PAK3: variants seen among roughly 807,000 people sequenced by gnomAD.
The protein encoded by PAK3 is p21 (RAC1) activated kinase 3.
PAK3 carries 4 observed loss-of-function variants against 41.0 expected under a neutral mutation model. The ratio of observed to expected loss-of-function variants is 0.10; its 90% CI spans 0.05 to 0.22. The LOEUF (loss-of-function observed/expected upper bound fraction) is 0.22, where lower values mean the gene tolerates loss of function less well. Ranked by LOEUF, PAK3 falls within the 10% of genes least tolerant of loss-of-function variation. The pLI, the probability that PAK3 is intolerant of heterozygous loss-of-function variation, is 1.00. For missense variants in PAK3, 205 were observed against 409.9 expected (o/e 0.50, Z 4.32); for synonymous variants, 146 against 139.6 (o/e 1.05, Z -0.32).
intron 1 of PAK3, among the ~76,000 whole-genome samples, chrX:111,050,479 C>T (rs990692676): frequency 1.8e-5 from 2 of 112,390 alleles, no homozygotes; most frequent in Non-Finnish European, 3.8e-5. Flanking sequence ...AAAAAGTTCA[C>T]CCCGATATGT....
At chrX:110,971,770 T>C (rs374959786) in intron 1 of PAK3, among the ~76,000 whole-genome samples, 75 of 112,174 alleles carry the variant, frequency 6.7e-4, no homozygotes, top group African/African-American at 2.4e-3. Context: ...TCACTAAAAT[T>C]CACACCTATG....
At chrX:111,022,744 C>G (rs1408631838) in intron 1 of PAK3, among the ~76,000 whole-genome samples, 1 of 111,109 alleles carries the variant, frequency 9.0e-6, no homozygotes, top group African/African-American at 3.3e-5. Flanking sequence ...TACAGAATGG[C>G]AGAATAGATA....
chrX:111,114,151 A>T (rs1392272753), intron 4 of PAK3, among the ~76,000 whole-genome samples: 2 of 112,041 alleles, frequency 1.8e-5, no homozygotes, highest in Non-Finnish European at 3.8e-5. Flanking sequence ...CAGTAATGGG[A>T]TGGCTGGGTC....
intron 1 of PAK3, among the ~76,000 whole-genome samples, chrX:111,074,397 T>A (rs1015978990): frequency 1.8e-5 from 2 of 111,079 alleles, no homozygotes; most frequent in African/African-American, 6.6e-5. Flanking sequence ...GAGTCTGAGA[T>A]CTCTCCCCTT....
In PAK3 at chrX:111,222,371, T is replaced by C. The variant is rs1376101285; in HGVS notation, c.*1924T>C. On this transcript the variant is annotated 3_prime_UTR_variant, in exon 18 of 18. Coordinates refer to ENST00000372007, the MANE Select transcript of PAK3 (RefSeq NM_002578.5). ...ACTGGTGTATTTCCTATTTTCCCTA[T>C]TGTTTTCTTTGACTGTAAAAGTTGG... 1 of 112,198 alleles carries C rather than the reference T, an allele frequency of 8.9e-6. No individual in the cohort carries two copies. The highest frequency in any genetic ancestry group is 3.2e-5 in the African/African-American group (1 of 30,890). 9.2% of individuals were successfully genotyped at this position (112,198 alleles called of 1,213,427 possible).
At position 111,172,954 on chromosome X, in the gene PAK3, TTCTCTCTC is replaced by T. The variant is rs763717339; in HGVS notation, c.767-50_767-43del. 3.6e-5 allele frequency: 21 copies of T among 584,166 alleles called. No individual in the cohort carries two copies. The East Asian group carries it at 6.9e-4, about 19-fold the overall frequency. The allele number at this position is 584,166 out of a possible 1,213,427, so 48.1% of individuals were successfully genotyped here. A position where few individuals can be genotyped will look rare whatever the true frequency, so the allele number is the denominator to read the frequency against. ...TAAAAAACAGTCAATCAATTTCTAT[TTCTCTCTC>T]TCTCTCTCTCTCTTCCACCTCCTCC... On this transcript the variant is annotated intron_variant, in intron 10 of 17. Coordinates refer to ENST00000372007, the MANE Select transcript of PAK3 (RefSeq NM_002578.5).
chrX:111,133,226 T>A (rs1244020527), intron 5 of PAK3, among the ~76,000 whole-genome samples: 3 of 111,841 alleles, frequency 2.7e-5, no homozygotes, highest in African/African-American at 6.5e-5. Flanking sequence ...TTGTGTCTTC[T>A]CATTTCCTCA....
At chrX:111,141,765 C>T (rs550880940) in intron 5 of PAK3, among the ~76,000 whole-genome samples, 1 of 111,832 alleles carries the variant, frequency 8.9e-6, no homozygotes, top group African/African-American at 3.2e-5. Flanking sequence ...GAATTTCTTC[C>T]TTAGTAAGTG....
intron 1 of PAK3, among the ~76,000 whole-genome samples, chrX:111,047,680 C>G (rs1360346365): frequency 1.8e-5 from 2 of 110,963 alleles, no homozygotes; most frequent in Non-Finnish European, 3.8e-5. Context: ...TTGGCTGGAA[C>G]TGGGCTTAAA....
chrX:111,027,738 C>A (rs185234421), intron 1 of PAK3, among the ~76,000 whole-genome samples: 1 of 110,692 alleles, frequency 9.0e-6, no homozygotes, highest in South Asian at 3.8e-4. Context: ...ACTAGTACAA[C>A]CACTGTGGAA....
intron 4 of PAK3, among the ~76,000 whole-genome samples, chrX:111,109,424 C>T (rs1462738907): frequency 1.8e-5 from 2 of 111,778 alleles, no homozygotes; most frequent in Non-Finnish European, 3.8e-5. Flanking sequence ...TTCTGCCTAG[C>T]CACAAGCTAG....
intron 1 of PAK3, among the ~76,000 whole-genome samples, chrX:111,003,382 C>T (rs953249940): frequency 9.0e-6 from 1 of 111,343 alleles, no homozygotes; most frequent in East Asian, 2.8e-4. Context: ...GAAGTCCCTG[C>T]ACCTCGGGGA....
chrX:111,150,238 G>A (rs2094006506), intron 7 of PAK3, among the ~76,000 whole-genome samples: 3 of 111,949 alleles, frequency 2.7e-5, no homozygotes, highest in African/African-American at 9.8e-5. Flanking sequence ...CAGCATTTTG[G>A]ACAAAGTCAT....
chrX:111,153,609 TCTTC>T (rs2094061940), intron 8 of PAK3, among the ~76,000 whole-genome samples: 1 of 112,091 alleles, frequency 8.9e-6, no homozygotes, highest in African/African-American at 3.2e-5. Flanking sequence ...ACCTGATTCT[TCTTC>T]CTTTTATAGC....
chrX:111,046,687 T>C (rs1283729543), intron 1 of PAK3, among the ~76,000 whole-genome samples: 3 of 111,858 alleles, frequency 2.7e-5, no homozygotes, highest in Admixed American at 9.5e-5. Flanking sequence ...AGGATATGAA[T>C]AGTACCTGTT....
At chrX:111,123,353 G>A (rs1246196986) in intron 5 of PAK3, 75 bp downstream of exon 5, 8 of 916,744 alleles carry the variant, frequency 8.7e-6, no homozygotes, top group Non-Finnish European at 1.1e-5. Flanking sequence ...TTAGGTAGTT[G>A]TTTCTTGAGG....
chrX:111,028,027 G>GTGTATATATATATACATGTATATA (rs57456281), intron 1 of PAK3, among the ~76,000 whole-genome samples: 1 of 97,885 alleles, frequency 1.0e-5, no homozygotes. Flanking sequence ...ACATATATAT[G>GTGTATATATATATACATGTATATA]TGTGTATATA....
chrX:110,956,132 T>G lies in PAK3; in HGVS notation c.-28+11504T>G, dbSNP rs185286459. On this transcript the variant is annotated intron_variant, in intron 1 of 14. Coordinates refer to the PAK3 transcript ENST00000425146. ...TAGTGTTTATTTATGGCAACTATTT[T>G]TATTTTGAATGCATGAAGCTCCATG... Among the ~76,000 whole-genome samples the G allele has an allele frequency of 1.3e-3, 151 of 112,225 alleles. 1 individual carries two copies. The highest frequency in any genetic ancestry group is 4.6e-3 in the African/African-American group (142 of 30,893).
At chrX:111,196,683 G>A (rs1731210092) in intron 16 of PAK3, 43 bp downstream of exon 16, 1 of 962,989 alleles carries the variant, frequency 1.0e-6, no homozygotes, top group African/African-American at 1.9e-5. Context: ...CCAGGAAAGA[G>A]GAAAGGCCAA....
Sources: allele counts gnomAD v4.1 joint callset (sites outside exome capture counted in the v4.1 genomes callset), GRCh38; gene constraint gnomAD v4.1.1; transcripts MANE v1.5; gene names NCBI Gene and HGNC (gene_info 2026-07-23, HGNC 2026-07-21).